Variants in CD86 observed in about 807,000 individuals in gnomAD.
The protein encoded by CD86 is T-lymphocyte activation antigen CD86.
A neutral mutation model predicts 32.1 loss-of-function variants in CD86; 11 were observed. The observed-to-expected ratio is 0.34, with a 90% CI of 0.22 to 0.57. The LOEUF (loss-of-function observed/expected upper bound fraction) is 0.57, where lower values mean the gene tolerates loss of function less well. CD86 is among the 20% of genes least tolerant of loss of function. CD86 has a pLI of 0.86. For missense variants in CD86, 359 were observed against 398.4 expected (o/e 0.90, Z 0.84); for synonymous variants, 137 against 135.3 (o/e 1.01, Z -0.09).
intron 3 of CD86, among the ~76,000 whole-genome samples, chr3:122,104,863 T>G (rs993857971): frequency 1.3e-5 from 2 of 152,224 alleles, no homozygotes; most frequent in African/African-American, 4.8e-5. Context: ...GGGGCTCTTA[T>G]GAATAAGGCT....
rs559862703 is a variant in CD86 at position 122,099,406 on chromosome 3, A to C, written c.65-4106A>C. Among the ~76,000 whole-genome samples, 85 of 152,316 alleles carry C rather than the reference A, an allele frequency of 5.6e-4. 1 individual carries two copies. The South Asian group carries it at 0.017, about 30-fold the overall frequency. On this transcript the variant is annotated intron_variant, in intron 2 of 6. Coordinates refer to ENST00000330540, the MANE Select transcript of CD86 (RefSeq NM_175862.5). The stretch of plus-strand genomic sequence containing the variant: ...CTTTCAGGGAGTTTGACTCCAAGGG[A>C]AAGAGAAACTAAAAGCAGTAGCACA...
chr3:122,098,434 G>C (rs2072943139), intron 2 of CD86, among the ~76,000 whole-genome samples: 1 of 152,146 alleles, frequency 6.6e-6, no homozygotes, highest in South Asian at 2.1e-4. Context: ...AGGCAGTGTG[G>C]CTGGGGAGAG....
intron 1 of CD86, among the ~76,000 whole-genome samples, chr3:122,071,249 C>T (rs1052440444): frequency 5.9e-5 from 9 of 152,154 alleles, no homozygotes; most frequent in African/African-American, 1.9e-4. Context: ...AATAGCTTCA[C>T]TGCCCTAAGA....
chr3:122,072,377 T>C (rs1164909406), intron 1 of CD86, among the ~76,000 whole-genome samples: 1,754 of 148,878 alleles, frequency 0.012, 24 homozygotes, highest in African/African-American at 0.042. Context: ...TTCTCCACAT[T>C]CTCTCCAGCA....
intron 1 of CD86, among the ~76,000 whole-genome samples, chr3:122,086,772 C>T (rs978416687): frequency 6.6e-6 from 1 of 152,174 alleles, no homozygotes; most frequent in Non-Finnish European, 1.5e-5. Context: ...TCTGAGAGTC[C>T]TCTCGATTCC....
At position 122,069,613 on chromosome 3, in the gene CD86, TCA is replaced by T. The variant is rs563733522; in HGVS notation, c.14+14111_14+14112del. 1.5e-3 allele frequency among the ~76,000 whole-genome samples: 229 copies of T among 152,304 alleles called. 1 individual carries two copies. Among genetic ancestry groups the T allele is most frequent in the African/African-American group, 5.1e-3 (214 of 41,556 alleles). ...GTCCATGGGGTGAGTTGTGAGCCCA[TCA>T]GTTTCCCACACTACAGTCCTTCTCT... is the stretch of plus-strand genomic sequence containing the variant. On this transcript the variant is annotated intron_variant, in intron 1 of 6. Transcript: ENST00000330540.
chr3:122,090,836 G>A (rs2072805144), intron 1 of CD86, among the ~76,000 whole-genome samples: 1 of 152,160 alleles, frequency 6.6e-6, no homozygotes, highest in Non-Finnish European at 1.5e-5. Flanking sequence ...TGTAGATTAA[G>A]TGAATTGCTC....
chr3:122,063,230 G>A (rs1350679628), intron 1 of CD86, among the ~76,000 whole-genome samples: 1 of 152,060 alleles, frequency 6.6e-6, no homozygotes, highest in Admixed American at 6.5e-5. Context: ...ATCATGAACT[G>A]TATTCAAACT....
At chr3:122,091,024 G>T (rs2072808873) in intron 1 of CD86, among the ~76,000 whole-genome samples, 1 of 152,138 alleles carries the variant, frequency 6.6e-6, no homozygotes, top group African/African-American at 2.4e-5. Flanking sequence ...CAAAAGGAAG[G>T]CAGATTTCTA....
intron 1 of CD86, among the ~76,000 whole-genome samples, chr3:122,079,608 A>AC (rs1320724562): frequency 2.6e-5 from 4 of 152,332 alleles, no homozygotes; most frequent in African/African-American, 9.6e-5. Flanking sequence ...GGGAGAAAGG[A>AC]CAGGGCCATA....
chr3:122,110,096 A>G (rs2073150371), intron 5 of CD86, among the ~76,000 whole-genome samples: 1 of 152,222 alleles, frequency 6.6e-6, no homozygotes, highest in South Asian at 2.1e-4. Context: ...TAATATATGT[A>G]CTGTGTTCTA....
chr3:122,056,418 T>G lies in CD86; in HGVS notation c.14+915T>G, dbSNP rs538571084. On this transcript the variant is annotated intron_variant, in intron 1 of 6. Transcript: ENST00000330540. ...GGCGCAATCTCAGCTCACTGCAACCTCCGCCTCTCGGATTCAAACGATTCT... is the reference window on the plus strand; with the variant it reads ...GGCGCAATCTCAGCTCACTGCAACCGCCGCCTCTCGGATTCAAACGATTCT... 1.4e-4 allele frequency among the ~76,000 whole-genome samples: 22 copies of G among 152,338 alleles called. No homozygotes were observed. In the South Asian group the frequency reaches 4.6e-3, roughly 32 times the overall value.
chr3:122,070,925 C>T (rs1433067645), intron 1 of CD86, among the ~76,000 whole-genome samples: 9 of 152,016 alleles, frequency 5.9e-5, no homozygotes, highest in African/African-American at 1.4e-4. Context: ...ACCAGAAATC[C>T]GTGTATGTGG....
chr3:122,115,249 G>A (rs1322975518), intron 5 of CD86, among the ~76,000 whole-genome samples: 2 of 151,886 alleles, frequency 1.3e-5, no homozygotes, highest in East Asian at 3.8e-4. Context: ...AAAATTAATA[G>A]CATTTATAAT....
intron 1 of CD86, chr3:122,077,796 G>A: frequency 8.1e-6 from 8 of 985,472 alleles, no homozygotes; most frequent in Non-Finnish European, 9.6e-6. Flanking sequence ...AAGTTATTTG[G>A]AACCAAGCAA....
At chr3:122,073,314 T>C (rs560722352) in intron 1 of CD86, among the ~76,000 whole-genome samples, 1 of 152,048 alleles carries the variant, frequency 6.6e-6, no homozygotes, top group African/African-American at 2.4e-5. Context: ...TCCGTGTACC[T>C]TCTTTGGTGA....
intron 2 of CD86, among the ~76,000 whole-genome samples, chr3:122,093,255 C>T (rs1442536940): frequency 4.6e-5 from 7 of 152,142 alleles, no homozygotes; most frequent in African/African-American, 1.7e-4. Flanking sequence ...TACCTGGGCT[C>T]AAGCAATTCT....
chr3:122,078,318 A>G (rs1003319600), intron 1 of CD86, among the ~76,000 whole-genome samples: 1 of 152,188 alleles, frequency 6.6e-6, no homozygotes. Flanking sequence ...AGAAGGTGCC[A>G]CTTACCAAAT....
At chr3:122,109,097 T>G (rs1226532799) in intron 4 of CD86, among the ~76,000 whole-genome samples, 168 bp from the exon 5 acceptor site, 1 of 152,238 alleles carries the variant, frequency 6.6e-6, no homozygotes, top group Non-Finnish European at 1.5e-5. Flanking sequence ...AGGTCGCTGC[T>G]GAGGCCCTGA....
Sources: gnomAD v4.1 joint callset for allele counts (sites outside exome capture counted in the v4.1 genomes callset) on GRCh38, gnomAD v4.1.1 for gene constraint, MANE v1.5 for transcripts, NCBI Gene and HGNC (gene_info 2026-07-23, HGNC 2026-07-21) for gene names.